Variants in ERICH6B observed in about 807,000 individuals in gnomAD.
The protein encoded by ERICH6B is glutamate rich 6B, also known as glutamate-rich protein 6B.
ERICH6B carries 69 observed loss-of-function variants against 80.0 expected under a neutral mutation model. The observed-to-expected ratio is 0.86, with a 90% CI of 0.71 to 1.05. The LOEUF (loss-of-function observed/expected upper bound fraction) is 1.05. Ranked by LOEUF, ERICH6B falls within the 50% of genes least tolerant of loss-of-function variation. ERICH6B has a pLI of 0.00. For missense variants in ERICH6B, 754 were observed against 796.1 expected, an observed-to-expected ratio of 0.95 and a Z score of 0.64; for synonymous variants, 283 against 291.9, an observed-to-expected ratio of 0.97 and a Z score of 0.31.
Position 45,594,140 on chromosome 13 carries a change from TA to T in ERICH6B, c.637+2228del, listed in dbSNP as rs1450172428. Among the ~76,000 whole-genome samples the T allele has an allele frequency of 8.5e-5, 13 of 152,372 alleles. No homozygotes were observed. The South Asian group carries it at 2.5e-3, about 29-fold the overall frequency. On this transcript the variant is annotated intron_variant, in intron 3 of 14. Coordinates refer to ENST00000298738, the MANE Select transcript of ERICH6B (RefSeq NM_182542.3). Reference sequence around the variant, plus strand: ...ACTATTCTACATAAAAACATTGATATATTTTTTTGAAAAGTTAAGAAATTTC... The same window carrying T: ...ACTATTCTACATAAAAACATTGATATTTTTTTTGAAAAGTTAAGAAATTTC...
intron 2 of ERICH6B, among the ~76,000 whole-genome samples, chr13:45,598,884 G>A (rs1307160601): frequency 2.0e-5 from 3 of 152,152 alleles, no homozygotes; most frequent in African/African-American, 7.2e-5. Flanking sequence ...ACCAGGCAAG[G>A]TGGAGATAGA....
At chr13:45,557,110 G>T (rs750808840) in intron 11 of ERICH6B, among the ~76,000 whole-genome samples, 120 of 152,002 alleles carry the variant, frequency 7.9e-4, no homozygotes, top group Non-Finnish European at 1.4e-3. Context: ...ATTATTTTTT[G>T]ATTTTTTGAT....
rs34244794 is a variant in ERICH6B, at chr13:45,577,276, C to CTTTTT, written c.962-2351_962-2347dup. ...TCTCCTGGACTGATTAAAAACAAAT[C>CTTTTT]TTTTTTTTTTTTTTTTTTTTTTTTT... On this transcript the variant is annotated intron_variant, in intron 7 of 14. Coordinates refer to ENST00000298738, the MANE Select transcript of ERICH6B (RefSeq NM_182542.3). Among the ~76,000 whole-genome samples, 53 of 86,088 alleles carry CTTTTT rather than the reference C, an allele frequency of 6.2e-4. 3 individuals are homozygous for CTTTTT. The highest frequency in any genetic ancestry group is 1.2e-3 in the African/African-American group (34 of 28,190). The allele number at this position is 86,088 out of a possible 152,430, so 56.5% of individuals were successfully genotyped here. A position where few individuals can be genotyped will look rare whatever the true frequency, so the allele number is the denominator to read the frequency against.
chr13:45,604,176 T>C (rs1053912821), intron 2 of ERICH6B, among the ~76,000 whole-genome samples: 2 of 152,244 alleles, frequency 1.3e-5, no homozygotes, highest in African/African-American at 4.8e-5. Context: ...GGAACTCTGC[T>C]GACTCTGTGA....
chr13:45,593,390 C>T (rs2138018015), intron 3 of ERICH6B, among the ~76,000 whole-genome samples: 1 of 152,184 alleles, frequency 6.6e-6, no homozygotes, highest in African/African-American at 2.4e-5. Flanking sequence ...AAGTCAATGG[C>T]AAGGGAATAA....
chr13:45,557,732 G>A lies in ERICH6B; in HGVS notation c.1407+3637C>T, dbSNP rs148239717. 8.9e-3 allele frequency among the ~76,000 whole-genome samples: 1,362 copies of A among 152,290 alleles called. 22 individuals carry two copies. The highest frequency in any genetic ancestry group is 0.03 in the African/African-American group (1,251 of 41,560). On this transcript the variant is annotated intron_variant, in intron 11 of 14. Transcript: ENST00000298738. ...TTTTTGTTTGCTTTGTCAAAGATCA[G>A]TTGGCTATAGGTATTTGGGTTTATT...
chr13:45,565,466 G>A (rs1012744611), intron 9 of ERICH6B, among the ~76,000 whole-genome samples: 1 of 152,202 alleles, frequency 6.6e-6, no homozygotes. Context: ...CTGGGTGTAT[G>A]TATGATATAG....
intron 1 of ERICH6B, among the ~76,000 whole-genome samples, chr13:45,613,487 C>A (rs1029212468): frequency 5.9e-5 from 9 of 152,168 alleles, no homozygotes; most frequent in Admixed American, 4.6e-4. Context: ...CGGCTAAGTG[C>A]AGAATATAGT....
chr13:45,574,704 A>G lies in ERICH6B; in HGVS notation c.1050+138T>C, dbSNP rs1593788762. 15 of 655,160 alleles carry G rather than the reference A, an allele frequency of 2.3e-5. No homozygotes were observed. The East Asian group carries it at 4.1e-4, about 18-fold the overall frequency. The allele number at this position is 655,160 out of a possible 1,614,324, so 40.6% of individuals were successfully genotyped here. ...TGGGTTGCTGTCTTCTCTAACACCC[A>G]GTCTGGGATATATGAAGCAAAAAGA... On this transcript the variant is annotated intron_variant, in intron 8 of 14. Coordinates refer to ENST00000298738, the MANE Select transcript of ERICH6B (RefSeq NM_182542.3).
intron 7 of ERICH6B, among the ~76,000 whole-genome samples, chr13:45,575,172 T>A (rs1875340993): frequency 6.6e-6 from 1 of 152,228 alleles, no homozygotes; most frequent in African/African-American, 2.4e-5. Context: ...AGCAAGTGCA[T>A]GTTCCTGGTG....
Position 45,596,603 on chromosome 13 carries a change from C to G in ERICH6B, c.403G>C (p.Glu135Gln). 7 of 1,447,762 alleles carry G rather than the reference C, an allele frequency of 4.8e-6. No individual in the cohort carries two copies. In the East Asian group the frequency reaches 1.8e-4, roughly 38 times the overall value. The allele number at this position is 1,447,762 out of a possible 1,614,324, so 89.7% of individuals were successfully genotyped here. Residue 135 changes from glutamate (E) to glutamine (Q), a missense_variant, in exon 3 of 15, where the codon GAG (glutamate) becomes CAG (glutamine). Coordinates refer to ENST00000298738, the MANE Select transcript of ERICH6B (RefSeq NM_182542.3). ...TCCTTCCCCAGATACTCTTCCTCCT[C>G]CAGATGCTCTTCCTTCCCCAGGTAC... Reference protein sequence around the residue: ...EEYLGKEEHLEEEEYLGKEGY... With the variant: ...EEYLGKEEHLQEEEYLGKEGY...
intron 3 of ERICH6B, among the ~76,000 whole-genome samples, chr13:45,593,122 G>C (rs1876222870): frequency 6.6e-6 from 1 of 152,202 alleles, no homozygotes; most frequent in Non-Finnish European, 1.5e-5. Flanking sequence ...TTATATTCAA[G>C]TTGCTCACCC....
At chr13:45,614,691 C>A (rs1014184330) in intron 1 of ERICH6B, among the ~76,000 whole-genome samples, 1 of 152,222 alleles carries the variant, frequency 6.6e-6, no homozygotes, top group Non-Finnish European at 1.5e-5. Flanking sequence ...GGTGAGAAGC[C>A]TCATTTCTGT....
chr13:45,547,634 G>T (rs1187867575), intron 13 of ERICH6B, among the ~76,000 whole-genome samples: 1 of 152,194 alleles, frequency 6.6e-6, no homozygotes, highest in Non-Finnish European at 1.5e-5. Context: ...TAGAATAACT[G>T]CTCCTGTACA....
intron 13 of ERICH6B, among the ~76,000 whole-genome samples, chr13:45,549,278 G>A (rs1219884396): frequency 9.4e-5 from 14 of 148,980 alleles, no homozygotes; most frequent in South Asian, 4.3e-4. Context: ...AGCAGACTCC[G>A]TCACAAAAAA....
At chr13:45,603,615 CCT>C (rs1949839454) in intron 2 of ERICH6B, among the ~76,000 whole-genome samples, 1 of 152,158 alleles carries the variant, frequency 6.6e-6, no homozygotes, top group African/African-American at 2.4e-5. Flanking sequence ...TCTCCCTGTG[CCT>C]GGGTCCTGTC....
At chr13:45,606,531 ATATATATATATATATATTTTTTT>A (rs1284340051) in intron 2 of ERICH6B, among the ~76,000 whole-genome samples, 15,053 of 43,048 alleles carry the variant, frequency 0.35, 1,914 homozygotes, top group Non-Finnish European at 0.4. Context: ...ATATATATAT[ATATATATATATATATATTTTTTT>A]TTTTTTTTTT....
chr13:45,550,003 T>G lies in ERICH6B; in HGVS notation c.1536A>C (p.Lys512Asn). The G allele has an allele frequency of 6.4e-7, 1 of 1,551,990 alleles. No homozygotes were observed. The highest frequency in any genetic ancestry group is 8.7e-7 in the Non-Finnish European group (1 of 1,147,062). ...GNLAMLILYA[K>N]MKKFTYIILE... Reference sequence around the variant, plus strand: ...GAATGATGTATGTGAACTTTTTCATTTTCGCATATAAGATGAGCATAGCCA... The same window carrying G: ...GAATGATGTATGTGAACTTTTTCATGTTCGCATATAAGATGAGCATAGCCA... The change falls in exon 13 of 15, where the codon AAA (lysine) becomes AAC (asparagine). Residue 512 changes from lysine to asparagine, a missense_variant. By Grantham distance (94) the Lys-to-Asn change is moderately conservative (BLOSUM62 0). Transcript: ENST00000298738.
intron 11 of ERICH6B, among the ~76,000 whole-genome samples, chr13:45,554,748 T>C (rs1874367563): frequency 6.6e-6 from 1 of 152,238 alleles, no homozygotes; most frequent in Admixed American, 6.5e-5. Flanking sequence ...AGACTGTGTC[T>C]CTGGCCTGTC....
Sources: gnomAD v4.1 joint callset for allele counts (sites outside exome capture counted in the v4.1 genomes callset) on GRCh38, gnomAD v4.1.1 for gene constraint, MANE v1.5 for transcripts, NCBI Gene and HGNC (gene_info 2026-07-23, HGNC 2026-07-21) for gene names.